Variants in ERC2 observed in about 807,000 individuals in gnomAD.
ERC2 encodes ERC protein 2.
ERC2 carries 42 observed loss-of-function variants against 114.8 expected under a neutral mutation model. The ratio of observed to expected loss-of-function variants is 0.37; its 90% CI spans 0.29 to 0.47. The LOEUF (loss-of-function observed/expected upper bound fraction) is 0.47, where lower values mean the gene tolerates loss of function less well. ERC2 is among the 20% of genes least tolerant of loss of function. The probability of loss-of-function intolerance (pLI) is 0.99; values close to 1 mark genes in which losing one functional copy is unlikely to be tolerated. For missense variants in ERC2, 939 were observed against 1,150.7 expected (o/e 0.82, Z 2.66); for synonymous variants, 454 against 425.5 (o/e 1.07, Z -0.82).
chr3:55,658,045 T>A (rs1054109555), intron 17 of ERC2: 1 of 152,152 alleles, frequency 6.6e-6, no homozygotes, highest in Non-Finnish European at 1.5e-5. Flanking sequence ...GGGATGCAAT[T>A]TCTATTCATC....
At chr3:55,551,200 A>G (rs1364353323) in intron 17 of ERC2, among the ~76,000 whole-genome samples, 2 of 151,972 alleles carry the variant, frequency 1.3e-5, no homozygotes, top group African/African-American at 2.4e-5. Flanking sequence ...ACACACATAT[A>G]TATATTATGG....
chr3:56,209,112 C>A (rs562049010), intron 3 of ERC2, among the ~76,000 whole-genome samples: 2 of 152,170 alleles, frequency 1.3e-5, no homozygotes, highest in Admixed American at 1.3e-4. Flanking sequence ...GCACTTGAGG[C>A]CTTTTTGCCA....
intron 6 of ERC2, among the ~76,000 whole-genome samples, chr3:56,107,881 T>C (rs9810107): frequency 0.17 from 25,918 of 152,018 alleles, 2,376 homozygotes; most frequent in African/African-American, 0.23. Context: ...ATATAAGATA[T>C]ACTACTCAAC....
chr3:55,538,695 C>T (rs972006843), intron 17 of ERC2, among the ~76,000 whole-genome samples: 14 of 152,220 alleles, frequency 9.2e-5, no homozygotes, highest in Non-Finnish European at 2.1e-4. Context: ...AGGTAAATCC[C>T]TCTCTGGCTG....
At chr3:56,323,738 A>T (rs1202987622) in intron 2 of ERC2, among the ~76,000 whole-genome samples, 2 of 152,124 alleles carry the variant, frequency 1.3e-5, no homozygotes, top group Non-Finnish European at 1.5e-5. Flanking sequence ...TTAAACGAAT[A>T]TCTAAGGGCA....
chr3:55,538,755 G>A (rs545346488), intron 17 of ERC2, among the ~76,000 whole-genome samples: 8 of 152,210 alleles, frequency 5.3e-5, no homozygotes, highest in South Asian at 2.1e-4. Context: ...CGGAATAACC[G>A]ATTGTTTCTT....
intron 3 of ERC2, among the ~76,000 whole-genome samples, chr3:56,223,500 G>A (rs566806435): frequency 7.6e-6 from 1 of 131,384 alleles, no homozygotes; most frequent in Non-Finnish European, 1.6e-5. Context: ...AAACTCAAAG[G>A]CTACCAAAGA....
At chr3:56,352,405 T>C (rs1474027084) in intron 2 of ERC2, among the ~76,000 whole-genome samples, 8 of 152,140 alleles carry the variant, frequency 5.3e-5, no homozygotes, top group African/African-American at 1.9e-4. Flanking sequence ...AGTGTGTGAT[T>C]TGATTGTGGT....
intron 3 of ERC2, among the ~76,000 whole-genome samples, chr3:56,269,166 G>A (rs1407148688): frequency 2.0e-5 from 3 of 152,194 alleles, no homozygotes; most frequent in Non-Finnish European, 2.9e-5. Flanking sequence ...ACATCCAGCT[G>A]TAAAGGATAT....
At chr3:56,101,598 A>G (rs982191600) in intron 6 of ERC2, among the ~76,000 whole-genome samples, 1 of 152,192 alleles carries the variant, frequency 6.6e-6, no homozygotes, top group African/African-American at 2.4e-5. Flanking sequence ...CCGAAAATCA[A>G]CCGGGCCTCC....
At chr3:55,856,737 T>A (rs2061803335) in intron 14 of ERC2, among the ~76,000 whole-genome samples, 1 of 152,220 alleles carries the variant, frequency 6.6e-6, no homozygotes, top group African/African-American at 2.4e-5. Context: ...AGTAGTATTA[T>A]TCATAATAGC....
intron 2 of ERC2, among the ~76,000 whole-genome samples, chr3:56,357,132 T>A (rs2058774286): frequency 6.6e-6 from 1 of 152,184 alleles, no homozygotes; most frequent in African/African-American, 2.4e-5. Context: ...TATTTCAAAA[T>A]GAAAAATCTA....
chr3:55,757,542 T>C (rs2067138940), intron 14 of ERC2, among the ~76,000 whole-genome samples: 1 of 152,188 alleles, frequency 6.6e-6, no homozygotes, highest in African/African-American at 2.4e-5. Flanking sequence ...AAGATTCAGC[T>C]TAATAACACA....
chr3:55,932,838 A>G (rs939337634), intron 13 of ERC2, among the ~76,000 whole-genome samples: 2 of 152,218 alleles, frequency 1.3e-5, no homozygotes, highest in African/African-American at 4.8e-5. Flanking sequence ...TTACCTTTTA[A>G]TAAGGAGCCA....
chr3:55,899,855 A>C (rs2064039215), intron 13 of ERC2, among the ~76,000 whole-genome samples: 3 of 152,232 alleles, frequency 2.0e-5, no homozygotes, highest in Admixed American at 1.3e-4. Flanking sequence ...TGTATTACAA[A>C]TGTTTACAAA....
chr3:55,618,003 A>G (rs918970176), intron 17 of ERC2, among the ~76,000 whole-genome samples: 1 of 152,118 alleles, frequency 6.6e-6, no homozygotes, highest in African/African-American at 2.4e-5. Flanking sequence ...TAGATAGAGC[A>G]TTATACTGAC....
chr3:55,915,825 T>G (rs2065062373), intron 13 of ERC2, among the ~76,000 whole-genome samples: 1 of 152,108 alleles, frequency 6.6e-6, no homozygotes, highest in African/African-American at 2.4e-5. Context: ...ATTGCTGTAT[T>G]GTAGAGAGCA....
chr3:56,308,713 G>A (rs1398081872), intron 2 of ERC2, among the ~76,000 whole-genome samples: 1 of 151,966 alleles, frequency 6.6e-6, no homozygotes, highest in Non-Finnish European at 1.5e-5. Context: ...GCACTGTAAA[G>A]CAGCTTAGGG....
chr3:56,045,300 G>GT (rs2075399896), intron 7 of ERC2, among the ~76,000 whole-genome samples: 1 of 152,088 alleles, frequency 6.6e-6, no homozygotes, highest in South Asian at 2.1e-4. Flanking sequence ...AAACAGAACC[G>GT]TAACACTTCT....
Sources: allele counts gnomAD v4.1 joint callset (sites outside exome capture counted in the v4.1 genomes callset), GRCh38; gene constraint gnomAD v4.1.1; transcripts MANE v1.5; gene names NCBI Gene and HGNC (gene_info 2026-07-23, HGNC 2026-07-21).